The following MS4A4A variants were observed in gnomAD, a reference collection of about 807,000 sequenced individuals.
MS4A4A encodes the protein membrane-spanning 4-domains subfamily A member 4A.
A neutral mutation model predicts 28.0 loss-of-function variants in MS4A4A; 26 were observed. That is an observed-to-expected ratio of 0.93 (90% CI 0.68 to 1.29). The LOEUF (loss-of-function observed/expected upper bound fraction) is 1.29, where lower values mean the gene tolerates loss of function less well. MS4A4A is among the 50% of genes most tolerant of loss of function. The pLI is 0.00. For synonymous variants in MS4A4A, 86 were observed against 100.8 expected, an observed-to-expected ratio of 0.85 and a Z score of 0.88; for missense variants, 290 against 293.1, an observed-to-expected ratio of 0.99 and a Z score of 0.08.
chr11:60,300,939 T>C, intron 3 of MS4A4A, 62 bp from the exon 4 acceptor site: 2 of 1,205,022 alleles, frequency 1.7e-6, no homozygotes, highest in Non-Finnish European at 2.4e-6. Flanking sequence ...TTAAGTTTAG[T>C]AAGTTATGAC....
chr11:60,284,701 G>C (rs1385742282), intron 1 of MS4A4A, among the ~76,000 whole-genome samples: 2 of 152,184 alleles, frequency 1.3e-5, no homozygotes, highest in Admixed American at 1.3e-4. Flanking sequence ...AGTTTATGAG[G>C]TGGGTTACAT....
In MS4A4A at chr11:60,297,225, G is replaced by C; in HGVS notation, c.230G>C (p.Ser77Thr). 1 of 1,613,496 alleles carries C rather than the reference G, an allele frequency of 6.2e-7. No individual in the cohort carries two copies. The highest frequency in any genetic ancestry group is 8.5e-7 in the Non-Finnish European group (1 of 1,179,612). Residue 77 changes from serine to threonine, a missense_variant, in exon 3 of 7, where the codon AGC becomes ACC. Coordinates refer to ENST00000337908, the MANE Select transcript of MS4A4A (RefSeq NM_148975.3). ...GTGCAGATTCTGACTGCCCTGATGA[G>C]CCTTAGCATGGGAATAACAATGATG... is the stretch of plus-strand genomic sequence containing the variant. ...GVVQILTALM[S>T]LSMGITMMCM...
intron 1 of MS4A4A, among the ~76,000 whole-genome samples, chr11:60,281,404 A>G (rs918487683): frequency 1.3e-5 from 2 of 152,318 alleles, no homozygotes; most frequent in African/African-American, 2.4e-5. Flanking sequence ...AGAAGCCAAT[A>G]AAAGGGAAAT....
intron 3 of MS4A4A, among the ~76,000 whole-genome samples, chr11:60,300,796 C>T (rs961132155): frequency 6.6e-6 from 1 of 152,014 alleles, no homozygotes; most frequent in Non-Finnish European, 1.5e-5. Flanking sequence ...ATTTGAAAAA[C>T]TTGATAAATT....
At chr11:60,286,415 C>T (rs754695805) in intron 1 of MS4A4A, among the ~76,000 whole-genome samples, 1 of 152,156 alleles carries the variant, frequency 6.6e-6, no homozygotes, top group Non-Finnish European at 1.5e-5. Context: ...GAAATCTTCA[C>T]AATTTATATT....
chr11:60,285,721 T>G (rs1171098900), intron 1 of MS4A4A, among the ~76,000 whole-genome samples: 1 of 151,664 alleles, frequency 6.6e-6, no homozygotes, highest in African/African-American at 2.4e-5. Context: ...AAATAGGGAG[T>G]GGGTCACAGA....
chr11:60,292,262 G>C lies in MS4A4A; in HGVS notation c.79G>C (p.Glu27Gln). ...TGCCATGACAACCATGCAAGGAATGGAACAGGCCATGCCAGGGGCTGGCCC... is the reference window on the plus strand; with the variant it reads ...TGCCATGACAACCATGCAAGGAATGCAACAGGCCATGCCAGGGGCTGGCCC... Reference protein sequence around the residue: ...SAAMTTMQGMEQAMPGAGPGV... With the variant: ...SAAMTTMQGMQQAMPGAGPGV... Residue 27 changes from glutamate (E) to glutamine (Q), a missense_variant, in exon 2 of 7, where the codon GAA becomes CAA. Coordinates refer to ENST00000337908, the MANE Select transcript of MS4A4A (RefSeq NM_148975.3). The C allele has an allele frequency of 6.3e-7, 1 of 1,598,304 alleles. No individual in the cohort carries two copies. The highest frequency in any genetic ancestry group is 8.5e-7 in the Non-Finnish European group (1 of 1,173,688).
At chr11:60,281,180 G>A (rs1198624136) in intron 1 of MS4A4A, among the ~76,000 whole-genome samples, 2 of 152,082 alleles carry the variant, frequency 1.3e-5, no homozygotes, top group East Asian at 3.9e-4. Flanking sequence ...GCACAGGCAG[G>A]GTCCCCAGCC....
chr11:60,305,101 TC>T (rs773013229), intron 5 of MS4A4A, among the ~76,000 whole-genome samples: 7 of 152,236 alleles, frequency 4.6e-5, no homozygotes, highest in Non-Finnish European at 1.0e-4. Context: ...AATCCCTGCA[TC>T]AATCCGGGGG....
intron 1 of MS4A4A, among the ~76,000 whole-genome samples, chr11:60,287,825 A>C (rs1474297567): frequency 6.6e-6 from 1 of 152,244 alleles, no homozygotes; most frequent in Non-Finnish European, 1.5e-5. Flanking sequence ...TTCAAAAGAA[A>C]TAACTAGGCA....
chr11:60,301,149 G>C (rs1172129206), intron 4 of MS4A4A, 92 bp downstream of exon 4: 7 of 1,079,356 alleles, frequency 6.5e-6, no homozygotes, highest in African/African-American at 4.9e-5. Context: ...TTGTTTCTTT[G>C]TTTGTAAAAA....
chr11:60,295,138 A>G (rs766542562), intron 2 of MS4A4A, among the ~76,000 whole-genome samples: 2 of 151,944 alleles, frequency 1.3e-5, no homozygotes, highest in African/African-American at 2.4e-5. Flanking sequence ...ATATCTCTCC[A>G]TTTATTTTAT....
At chr11:60,303,533 C>A (rs2084971365) in intron 5 of MS4A4A, among the ~76,000 whole-genome samples, 1 of 152,114 alleles carries the variant, frequency 6.6e-6, no homozygotes, top group Non-Finnish European at 1.5e-5. Context: ...CATGATGAAG[C>A]CCCGTCTCTA....
At chr11:60,300,472 C>T (rs1394574019) in intron 3 of MS4A4A, among the ~76,000 whole-genome samples, 5 of 151,664 alleles carry the variant, frequency 3.3e-5, no homozygotes, top group Non-Finnish European at 4.4e-5. Flanking sequence ...AAAAATTAGC[C>T]CAGCGTAGTG....
rs1250484499 is a variant in MS4A4A, at chr11:60,306,163, G to A, written c.610G>A (p.Ala204Thr). The A allele has an allele frequency of 6.2e-7, 1 of 1,613,920 alleles. No individual in the cohort carries two copies. Among genetic ancestry groups the A allele is most frequent in the Non-Finnish European group, 8.5e-7 (1 of 1,179,888 alleles). ...LEFCIAVSLS[A>T]FGCKVLCCTP... ...ATTCTGCATTGCTGTGTCCCTCTCT[G>A]CCTTTGGATGTAAAGTGCTCTGTTG... Residue 204 changes from alanine (A) to threonine (T), a missense_variant, in exon 6 of 7, where the codon GCC (alanine) becomes ACC (threonine). Transcript: ENST00000337908.
At chr11:60,286,631 G>A (rs2084805935) in intron 1 of MS4A4A, among the ~76,000 whole-genome samples, 1 of 152,164 alleles carries the variant, frequency 6.6e-6, no homozygotes, top group South Asian at 2.1e-4. Context: ...ATCATTAAAT[G>A]ATGACCTTCT....
intron 1 of MS4A4A, among the ~76,000 whole-genome samples, chr11:60,288,629 G>T (rs1338566518): frequency 1.3e-5 from 2 of 152,132 alleles, no homozygotes; most frequent in Non-Finnish European, 2.9e-5. Context: ...CTCCATCCCT[G>T]GGTGATGGAG....
At chr11:60,299,558 C>T (rs750824784) in intron 3 of MS4A4A, among the ~76,000 whole-genome samples, 2 of 151,460 alleles carry the variant, frequency 1.3e-5, no homozygotes, top group Admixed American at 6.6e-5. Flanking sequence ...CTGCAACCTC[C>T]GCCTCCCGGG....
At chr11:60,298,243 A>G (rs988558177) in intron 3 of MS4A4A, among the ~76,000 whole-genome samples, 1 of 152,146 alleles carries the variant, frequency 6.6e-6, no homozygotes, top group African/African-American at 2.4e-5. Context: ...GAATCAGGGA[A>G]TCTATTCTAG....
Sources: allele counts gnomAD v4.1 joint callset (sites outside exome capture counted in the v4.1 genomes callset), GRCh38; gene constraint gnomAD v4.1.1; transcripts MANE v1.5; gene names NCBI Gene and HGNC (gene_info 2026-07-23, HGNC 2026-07-21).